Variants in SPANXN2 observed in about 807,000 individuals in gnomAD.
SPANXN2 encodes the protein sperm protein associated with the nucleus on the X chromosome N2.
SPANXN2 carries 1 observed loss-of-function variant against 2.0 expected under a neutral mutation model. That is an observed-to-expected ratio of 0.50 (90% CI 0.18 to 2.36). SPANXN2 has a LOEUF of 2.36. Ranked by LOEUF, SPANXN2 falls within the 30% of genes most tolerant of loss-of-function variation. The pLI is 0.26. For missense variants in SPANXN2, 88 were observed against 116.7 expected (o/e 0.75, Z 1.13); for synonymous variants, 43 against 49.8 (o/e 0.86, Z 0.58).
chrX:143,715,499 C>T (rs1476840249), intron 1 of SPANXN2, among the ~76,000 whole-genome samples: 2 of 109,734 alleles, frequency 1.8e-5, no homozygotes, highest in Non-Finnish European at 1.9e-5. Flanking sequence ...GCTTCCCTCT[C>T]CCCCCACTCA....
chrX:143,717,387 C>T (rs1485813704), intron 1 of SPANXN2, among the ~76,000 whole-genome samples: 11 of 111,569 alleles, frequency 9.9e-5, no homozygotes, highest in African/African-American at 3.3e-4. Flanking sequence ...CAAGGGACAC[C>T]GAAAGGCTAC....
chrX:143,712,632 GA>G lies in SPANXN2; in HGVS notation c.79-134del, dbSNP rs782418234. The G allele has an allele frequency of 2.7e-3, 1,638 of 602,061 alleles. 5 individuals carry two copies. Among genetic ancestry groups the G allele is most frequent in the Non-Finnish European group, 3.5e-3 (1,329 of 380,069 alleles). The allele number at this position is 602,061 out of a possible 1,213,427, so 49.6% of individuals were successfully genotyped here. A position where few individuals can be genotyped will look rare whatever the true frequency, so the allele number is the denominator to read the frequency against. On this transcript the variant is annotated intron_variant, in intron 1 of 1. Transcript: ENST00000598475. ...GTTTGTGCCAGAGAAGAACAAGGTG[GA>G]ATCATAGGGTAGTGATCTATGGGGA...
intron 1 of SPANXN2, among the ~76,000 whole-genome samples, chrX:143,716,885 C>A (rs782293358): frequency 9.8e-5 from 11 of 111,763 alleles, no homozygotes; most frequent in African/African-American, 3.6e-4. Flanking sequence ...CTCTAATCAC[C>A]TTCCAGAGAC....
chrX:143,718,277 C>T (rs1223447733), intron 1 of SPANXN2, among the ~76,000 whole-genome samples: 5 of 111,293 alleles, frequency 4.5e-5, no homozygotes, highest in African/African-American at 1.3e-4. Context: ...CCTGTATTTT[C>T]CCCCCATTCT....
chrX:143,715,763 A>T (rs1355296308), intron 1 of SPANXN2, among the ~76,000 whole-genome samples: 1 of 109,190 alleles, frequency 9.2e-6, no homozygotes, highest in East Asian at 3.0e-4. Flanking sequence ...TTTCCAAAAG[A>T]CAGACGGGAC....
intron 1 of SPANXN2, among the ~76,000 whole-genome samples, chrX:143,715,557 T>C (rs1375766253): frequency 1.8e-5 from 2 of 108,561 alleles, no homozygotes; most frequent in African/African-American, 6.7e-5. Context: ...AAGCTTGGAA[T>C]GTTTCTAAAC....
At chrX:143,718,876 A>C (rs781929513) in intron 1 of SPANXN2, among the ~76,000 whole-genome samples, 3 of 110,695 alleles carry the variant, frequency 2.7e-5, no homozygotes, top group Non-Finnish European at 5.7e-5. Context: ...GGGATATTCT[A>C]AGTCCCCACC....
rs1280131407 is a variant in SPANXN2, at chrX:143,712,612, T to A, written c.79-113A>T. On this transcript the variant is annotated intron_variant, in intron 1 of 1. Transcript: ENST00000598475. ...GAATGCAGGTTGAGGAAGGGGTTTG[T>A]GCCAGAGAAGAACAAGGTGGAATCA... The A allele has an allele frequency of 2.5e-5, 17 of 671,441 alleles. No individual in the cohort carries two copies. In the African/African-American group the frequency reaches 2.6e-4, roughly 10 times the overall value. The allele number at this position is 671,441 out of a possible 1,213,427, so 55.3% of individuals were successfully genotyped here. A position where few individuals can be genotyped will look rare whatever the true frequency, so the allele number is the denominator to read the frequency against.
intron 1 of SPANXN2, among the ~76,000 whole-genome samples, chrX:143,715,282 A>G (rs1456498144): frequency 1.1e-5 from 1 of 88,831 alleles, no homozygotes; most frequent in Non-Finnish European, 2.2e-5. Flanking sequence ...TTCGATCTCT[A>G]TTGTGAGAAT....
intron 1 of SPANXN2, among the ~76,000 whole-genome samples, chrX:143,716,816 C>G (rs1190816089): frequency 8.9e-6 from 1 of 111,897 alleles, no homozygotes; most frequent in Non-Finnish European, 1.9e-5. Context: ...ACCACCAATC[C>G]CTTCTATCCC....
At chrX:143,720,649 C>G (rs782503784) in exon 1 of SPANXN2, 38 of 1,208,898 alleles carry the variant, frequency 3.1e-5, no homozygotes, top group Non-Finnish European at 4.1e-5. Flanking sequence ...CCCATTGGTG[C>G]TTGAAGTCGG....
intron 1 of SPANXN2, among the ~76,000 whole-genome samples, chrX:143,716,778 T>C (rs1556449846): frequency 8.9e-6 from 1 of 111,966 alleles, no homozygotes; most frequent in African/African-American, 3.2e-5. Context: ...TACTATTGCA[T>C]CTTCCCATTA....
Position 143,717,842 on chromosome X carries a change from T to C in SPANXN2, c.78+2749A>G, listed in dbSNP as rs189547144. 3.3e-3 allele frequency among the ~76,000 whole-genome samples: 368 copies of C among 111,602 alleles called. 2 individuals are homozygous for C. The highest frequency in any genetic ancestry group is 4.8e-3 in the African/African-American group (148 of 30,685). On this transcript the variant is annotated intron_variant, in intron 1 of 1. Transcript: ENST00000598475. ...TAGCAAATCAACATCACTCACATGC[T>C]CCCCAGAAAGTGATTCCTATACATT...
chrX:143,712,515 G>C lies in SPANXN2; in HGVS notation c.79-16C>G, dbSNP rs1569482262. 3.3e-6 allele frequency: 4 copies of C among 1,196,025 alleles called. No individual in the cohort carries two copies. Among genetic ancestry groups the C allele is most frequent in the South Asian group, 1.8e-5 (1 of 54,127 alleles). On this transcript the variant is annotated splice_polypyrimidine_tract_variant and intron_variant, in intron 1 of 1. Transcript: ENST00000598475. Reference sequence around the variant, plus strand: ...CCTCCTGCATCTGATAAGAAAACAGGGAGAGGCCAGAAAGTCATTATTTTG... The same window carrying C: ...CCTCCTGCATCTGATAAGAAAACAGCGAGAGGCCAGAAAGTCATTATTTTG...
chrX:143,712,961 G>T lies in SPANXN2; in HGVS notation c.79-462C>A, dbSNP rs187895516. On this transcript the variant is annotated intron_variant, in intron 1 of 1. Transcript: ENST00000598475. ...ATCCTGCCGGATAGCATCCCACATT[G>T]CCCAGATCCCTCCTGCCCATCCCTG... Among the ~76,000 whole-genome samples, 303 of 111,487 alleles carry T rather than the reference G, an allele frequency of 2.7e-3. 3 individuals are homozygous for T. Among genetic ancestry groups the T allele is most frequent in the African/African-American group, 9.1e-3 (280 of 30,620 alleles).
intron 1 of SPANXN2, among the ~76,000 whole-genome samples, chrX:143,714,836 C>A (rs1556449240): frequency 9.0e-6 from 1 of 111,697 alleles, no homozygotes. Flanking sequence ...AGAGGAAGAA[C>A]TAAAAAATCC....
chrX:143,719,064 T>C (rs1406006310), intron 1 of SPANXN2, among the ~76,000 whole-genome samples: 5 of 111,389 alleles, frequency 4.5e-5, no homozygotes, highest in African/African-American at 1.6e-4. Context: ...TTTCACCTAA[T>C]TGACCAATTC....
intron 1 of SPANXN2, among the ~76,000 whole-genome samples, chrX:143,717,618 T>C (rs1345753994): frequency 8.9e-6 from 1 of 112,436 alleles, no homozygotes; most frequent in Non-Finnish European, 1.9e-5. Context: ...TGTACTTTCA[T>C]ATGTGCACAA....
rs782333345 is a variant in SPANXN2 at position 143,720,597 on chromosome X, A to AT, written c.71dup (p.Asn24LysfsTer2). On this transcript the variant is annotated frameshift_variant, in exon 1 of 2. Coordinates refer to ENST00000598475, the Ensembl canonical transcript of SPANXN2. LOFTEE classifies it low-confidence loss of function (END_TRUNC). Reference sequence around the variant, plus strand: ...CAAAACCTAACAATCTTACCTCATCATTTTTTTTGTTATTGGATTCACAGG... The same window carrying AT: ...CAAAACCTAACAATCTTACCTCATCATTTTTTTTTGTTATTGGATTCACAGG... 245 of 1,204,399 alleles carry AT rather than the reference A, an allele frequency of 2.0e-4. No individual in the cohort carries two copies. Among genetic ancestry groups the AT allele is most frequent in the African/African-American group, 3.0e-4 (17 of 56,170 alleles).
Sources: gnomAD v4.1 joint callset for allele counts (sites outside exome capture counted in the v4.1 genomes callset) on GRCh38, gnomAD v4.1.1 for gene constraint, MANE v1.5 for transcripts, NCBI Gene and HGNC (gene_info 2026-07-23, HGNC 2026-07-21) for gene names.